PINX1: variants seen among roughly 807,000 people sequenced by gnomAD.
PINX1 encodes the protein PIN2/TERF1-interacting telomerase inhibitor 1.
Under a neutral mutation model 25.4 loss-of-function variants are expected in PINX1, and 34 were observed. That is an observed-to-expected ratio of 1.34 (90% CI 1.02 to 1.78). The LOEUF (loss-of-function observed/expected upper bound fraction) is 1.78. PINX1 is among the 40% of genes most tolerant of loss of function. The probability of loss-of-function intolerance (pLI) is 0.00; values close to 1 mark genes in which losing one functional copy is unlikely to be tolerated. For missense variants in PINX1, 592 were observed against 404.9 expected, an observed-to-expected ratio of 1.46 and a Z score of -3.97; for synonymous variants, 197 against 147.7, an observed-to-expected ratio of 1.33 and a Z score of -2.42.
chr8:10,792,075 G>T (rs546300184), intron 6 of PINX1, among the ~76,000 whole-genome samples: 1 of 152,156 alleles, frequency 6.6e-6, no homozygotes, highest in African/African-American at 2.4e-5. Flanking sequence ...TCTGTATTAC[G>T]ATCAGCTATT....
Position 10,834,736 on chromosome 8 carries a change from G to A in PINX1, c.59C>T (p.Thr20Ile), listed in dbSNP as rs770463268. 1 of 1,613,838 alleles carries A rather than the reference G, an allele frequency of 6.2e-7. No homozygotes were observed. Among genetic ancestry groups the A allele is most frequent in the South Asian group, 1.1e-5 (1 of 91,074 alleles). The change falls in exon 2 of 7, where the codon ACT becomes ATT. Residue 20 changes from threonine to isoleucine, a missense_variant. Transcript: ENST00000314787. ...CTTGGAATCGTCATTACTCCAGGCA[G>A]TGTTCTGAGGATCCACAGCCCACTT... ...KQKWAVDPQN[T>I]AWSNDDSKFG... is the part of the protein sequence containing the mutation.
At chr8:10,773,630 C>T (rs933722633) in intron 6 of PINX1, among the ~76,000 whole-genome samples, 2 of 152,178 alleles carry the variant, frequency 1.3e-5, no homozygotes, top group African/African-American at 4.8e-5. Context: ...CCAATGGTAA[C>T]AGAGCTGTTA....
At chr8:10,810,008 C>T (rs1416123368) in intron 6 of PINX1, among the ~76,000 whole-genome samples, 1 of 152,198 alleles carries the variant, frequency 6.6e-6, no homozygotes. Context: ...GAAGGGAGAG[C>T]CAGCCCATCA....
intron 6 of PINX1, among the ~76,000 whole-genome samples, chr8:10,783,173 T>G (rs370359248): frequency 6.6e-6 from 1 of 152,222 alleles, no homozygotes; most frequent in African/African-American, 2.4e-5. Context: ...TTTATGAACA[T>G]TGAGCTTTGA....
intron 6 of PINX1, among the ~76,000 whole-genome samples, chr8:10,789,793 C>T (rs1801866086): frequency 6.6e-6 from 1 of 152,204 alleles, no homozygotes; most frequent in Non-Finnish European, 1.5e-5. Context: ...ACCACACACA[C>T]ACACCTCCAC....
intron 6 of PINX1, among the ~76,000 whole-genome samples, chr8:10,767,446 A>T (rs978082236): frequency 1.1e-4 from 17 of 152,200 alleles, no homozygotes; most frequent in African/African-American, 4.1e-4. Context: ...GGAATTTCAA[A>T]ATAGGCAGAA....
At chr8:10,809,931 T>C (rs4841449) in intron 6 of PINX1, among the ~76,000 whole-genome samples, 18,048 of 152,276 alleles carry the variant, frequency 0.12, 1,603 homozygotes, top group African/African-American at 0.25. Context: ...GCAGGTTGCA[T>C]AGGAGGTGTG....
intron 6 of PINX1, among the ~76,000 whole-genome samples, chr8:10,796,059 G>A (rs1385541766): frequency 2.0e-5 from 3 of 152,200 alleles, no homozygotes; most frequent in Non-Finnish European, 2.9e-5. Flanking sequence ...AGGCCAAGTG[G>A]TGAAAGAGCT....
intron 6 of PINX1, among the ~76,000 whole-genome samples, chr8:10,797,298 C>A (rs1208019730): frequency 6.6e-6 from 1 of 152,168 alleles, no homozygotes; most frequent in Non-Finnish European, 1.5e-5. Context: ...ACTCTAAAAA[C>A]CAAAAGCTCC....
At chr8:10,769,203 T>C (rs1357475019) in intron 6 of PINX1, among the ~76,000 whole-genome samples, 1 of 152,178 alleles carries the variant, frequency 6.6e-6, no homozygotes, top group Non-Finnish European at 1.5e-5. Flanking sequence ...CTCTCTCTTT[T>C]TCAAATTCCA....
intron 6 of PINX1, among the ~76,000 whole-genome samples, chr8:10,805,317 T>A (rs1802405967): frequency 6.6e-6 from 1 of 152,070 alleles, no homozygotes; most frequent in Admixed American, 6.6e-5. Flanking sequence ...TTTATGGAGG[T>A]TCAGAGCACT....
At chr8:10,832,058 T>C (rs908895263) in intron 3 of PINX1, among the ~76,000 whole-genome samples, 2 of 152,164 alleles carry the variant, frequency 1.3e-5, no homozygotes, top group Admixed American at 6.5e-5. Context: ...AAGTAAAACA[T>C]AATGAAATGA....
chr8:10,825,460 G>C, intron 5 of PINX1: 1 of 534,656 alleles, frequency 1.9e-6, no homozygotes, highest in Non-Finnish European at 3.8e-6. Flanking sequence ...CAGACAAACT[G>C]GGGAGTTGGT....
At chr8:10,834,213 T>C (rs147061763) in intron 2 of PINX1, 1 of 155,634 alleles carries the variant, frequency 6.4e-6, no homozygotes, top group Non-Finnish European at 1.4e-5. Context: ...GAAGAGACAA[T>C]AGCACTGTGG....
chr8:10,802,496 C>T (rs1586170628), intron 6 of PINX1, among the ~76,000 whole-genome samples: 1 of 152,218 alleles, frequency 6.6e-6, no homozygotes. Flanking sequence ...TTAAAAATTA[C>T]TTTTTGGGCT....
At chr8:10,828,349 C>G (rs535909682) in intron 4 of PINX1, among the ~76,000 whole-genome samples, 199 of 152,296 alleles carry the variant, frequency 1.3e-3, no homozygotes, top group African/African-American at 4.5e-3. Flanking sequence ...CGGCTCCTAC[C>G]GACTGCAAGT....
At chr8:10,788,184 C>T (rs902685677) in intron 6 of PINX1, among the ~76,000 whole-genome samples, 1 of 152,144 alleles carries the variant, frequency 6.6e-6, no homozygotes, top group Non-Finnish European at 1.5e-5. Flanking sequence ...CATTGTTAAG[C>T]TGGGTACTGG....
chr8:10,790,808 C>A (rs1801899229), intron 6 of PINX1, among the ~76,000 whole-genome samples: 1 of 152,132 alleles, frequency 6.6e-6, no homozygotes, highest in South Asian at 2.1e-4. Context: ...CCAGCCCCGT[C>A]CCATACTTCA....
chr8:10,838,027 A>G (rs1798454800), intron 1 of PINX1, among the ~76,000 whole-genome samples: 1 of 152,208 alleles, frequency 6.6e-6, no homozygotes, highest in African/African-American at 2.4e-5. Context: ...CAGCCATCTG[A>G]TTCAAATAAG....
Sources: allele counts gnomAD v4.1 joint callset (sites outside exome capture counted in the v4.1 genomes callset), GRCh38; gene constraint gnomAD v4.1.1; transcripts MANE v1.5; gene names NCBI Gene and HGNC (gene_info 2026-07-23, HGNC 2026-07-21).